Variants in DCLK3 observed in about 807,000 individuals in gnomAD.
The protein encoded by DCLK3 is serine/threonine-protein kinase DCLK3.
In DCLK3, 30 loss-of-function variants were observed where a neutral mutation model predicts 46.4. That is an observed-to-expected ratio of 0.65 (90% CI 0.48 to 0.88). The LOEUF (loss-of-function observed/expected upper bound fraction) is 0.88. Ranked by LOEUF, DCLK3 falls within the 40% of genes least tolerant of loss-of-function variation. DCLK3 has a pLI of 0.00. For synonymous variants in DCLK3, 401 were observed against 339.2 expected (o/e 1.18, Z -2.00); for missense variants, 846 against 907.1 (o/e 0.93, Z 0.87).
At chr3:36,756,087 G>A (rs1481034629) in intron 1 of DCLK3, among the ~76,000 whole-genome samples, 1 of 152,210 alleles carries the variant, frequency 6.6e-6, no homozygotes, top group African/African-American at 2.4e-5. Flanking sequence ...CAAGGATATG[G>A]GTTGATTTGG....
Position 36,748,788 on chromosome 3 carries a change from C to T in DCLK3, c.83-9704G>A, listed in dbSNP as rs371389426. On this transcript the variant is annotated intron_variant, in intron 1 of 4. Transcript: ENST00000636136. ...CTTCTGCTTTCCAGTCATTTTGTCACATTGTGCCTTTGGGCTTTTCTTTTC... is the reference window on the plus strand; with the variant it reads ...CTTCTGCTTTCCAGTCATTTTGTCATATTGTGCCTTTGGGCTTTTCTTTTC... 8.9e-4 allele frequency among the ~76,000 whole-genome samples: 135 copies of T among 152,320 alleles called. No individual in the cohort carries two copies. The South Asian group carries it at 0.027, about 30-fold the overall frequency.
At chr3:36,746,177 T>C (rs1701392032) in intron 1 of DCLK3, among the ~76,000 whole-genome samples, 2 of 152,234 alleles carry the variant, frequency 1.3e-5, no homozygotes, top group African/African-American at 4.8e-5. Context: ...TTGGCTTTTA[T>C]CTGCTGACTT....
chr3:36,717,997 C>A lies in DCLK3; in HGVS notation c.2260+13G>T. ...TCCGCTCCTCTGCTGTGTGAGGAAG[C>A]CCCAAATCTCACCATCAGAGATATT... On this transcript the variant is annotated intron_variant, in intron 4 of 4. Transcript: ENST00000636136. 6.2e-7 allele frequency: 1 copy of A among 1,613,978 alleles called. No homozygotes were observed. The highest frequency in any genetic ancestry group is 1.7e-4 in the Middle Eastern group (1 of 6,054).
intron 3 of DCLK3, among the ~76,000 whole-genome samples, chr3:36,718,404 C>T (rs1701013383): frequency 6.6e-6 from 1 of 152,206 alleles, no homozygotes; most frequent in Non-Finnish European, 1.5e-5. Context: ...TGCCACTTTG[C>T]AATGCCTTAT....
At chr3:36,745,054 C>CCTTATTAG in intron 1 of DCLK3, among the ~76,000 whole-genome samples, 1 of 152,330 alleles carries the variant, frequency 6.6e-6, no homozygotes, top group Non-Finnish European at 1.5e-5. Context: ...CAGCTCTCCA[C>CCTTATTAG]CTTATTAGGC....
intron 1 of DCLK3, among the ~76,000 whole-genome samples, chr3:36,743,799 C>T (rs148105832): frequency 4.6e-4 from 70 of 152,144 alleles, no homozygotes; most frequent in Non-Finnish European, 5.1e-4. Context: ...AACCCAAATT[C>T]CTCTGCTTGA....
rs1700928913 is a variant in DCLK3 at position 36,713,020 on chromosome 3, G to A, written c.*2308C>T. 2 of 152,198 alleles carry A rather than the reference G, an allele frequency of 1.3e-5. No individual in the cohort carries two copies. Among genetic ancestry groups the A allele is most frequent in the Non-Finnish European group, 2.9e-5 (2 of 68,038 alleles). 9.4% of individuals were successfully genotyped at this position (152,198 alleles called of 1,614,324 possible). The stretch of plus-strand genomic sequence containing the variant: ...AACTACCAAACCATTCTCCAAAGGA[G>A]AAGTCCCATTTTATACTCCCAGCAG... On this transcript the variant is annotated 3_prime_UTR_variant, in exon 5 of 5. Transcript: ENST00000636136.
chr3:36,724,148 C>T (rs889090701), intron 2 of DCLK3, among the ~76,000 whole-genome samples: 10 of 152,130 alleles, frequency 6.6e-5, no homozygotes, highest in Non-Finnish European at 8.8e-5. Context: ...TTGACTGCCC[C>T]GCTAGATTTC....
chr3:36,750,106 A>G (rs942008363), intron 1 of DCLK3, among the ~76,000 whole-genome samples: 15 of 152,164 alleles, frequency 9.9e-5, no homozygotes, highest in African/African-American at 3.4e-4. Context: ...TTTGAGACAG[A>G]GTCTTGATCT....
intron 2 of DCLK3, among the ~76,000 whole-genome samples, chr3:36,728,433 CAGA>C (rs1701151361): frequency 6.6e-6 from 1 of 152,274 alleles, no homozygotes; most frequent in Non-Finnish European, 1.5e-5. Flanking sequence ...GGACCAAGTG[CAGA>C]AGATCTGCCC....
intron 2 of DCLK3, among the ~76,000 whole-genome samples, chr3:36,727,996 ACCT>A (rs754351884): frequency 2.1e-4 from 32 of 152,306 alleles, no homozygotes; most frequent in Admixed American, 9.2e-4. Context: ...TCAAACTCAA[ACCT>A]CCACCCAAAC....
rs1297787426 is a variant in DCLK3, at chr3:36,764,547, C to T, written c.-284G>A. Among the ~76,000 whole-genome samples the T allele has an allele frequency of 6.6e-6, 1 of 152,152 alleles. No individual in the cohort carries two copies. Among genetic ancestry groups the T allele is most frequent in the Non-Finnish European group, 1.5e-5 (1 of 68,008 alleles). ...GCCGGTCCCGCCATGCGCGCCGCTC[C>T]TGGCCCTGGAGGCCGGGCGGGGCCG... On this transcript the variant is annotated 5_prime_UTR_variant, in exon 1 of 5. Transcript: ENST00000636136. The surrounding 1 kb of genome is among the most constrained non-coding windows in gnomAD (Gnocchi z 4.9).
At chr3:36,736,116 A>T (rs1379408738) in intron 2 of DCLK3, among the ~76,000 whole-genome samples, 4 of 152,228 alleles carry the variant, frequency 2.6e-5, no homozygotes, top group Non-Finnish European at 5.9e-5. Context: ...GTCATAAGGG[A>T]GAACACGTAC....
chr3:36,733,779 T>G (rs2125528189), intron 2 of DCLK3, among the ~76,000 whole-genome samples: 1 of 152,292 alleles, frequency 6.6e-6, no homozygotes, highest in East Asian at 1.9e-4. Flanking sequence ...TCAGTAGAAA[T>G]AGATAAACTC....
intron 2 of DCLK3, among the ~76,000 whole-genome samples, chr3:36,736,630 C>T (rs1701266506): frequency 1.3e-5 from 2 of 152,134 alleles, no homozygotes. Context: ...CTCTCTTTTA[C>T]AAAATGATGA....
chr3:36,750,061 C>T (rs545421312), intron 1 of DCLK3, among the ~76,000 whole-genome samples: 4 of 152,086 alleles, frequency 2.6e-5, no homozygotes, highest in South Asian at 2.1e-4. Flanking sequence ...ATTATTTTAA[C>T]GTTTAATTCT....
intron 2 of DCLK3, among the ~76,000 whole-genome samples, chr3:36,730,191 TATACAC>T (rs1413590278): frequency 0.026 from 2,819 of 108,892 alleles, 80 homozygotes; most frequent in African/African-American, 0.093. Flanking sequence ...ATACACCATA[TATACAC>T]ACACACACAC....
At chr3:36,735,841 A>C (rs1045050758) in intron 2 of DCLK3, among the ~76,000 whole-genome samples, 1 of 152,240 alleles carries the variant, frequency 6.6e-6, no homozygotes, top group African/African-American at 2.4e-5. Context: ...GCATTCATAC[A>C]ACTCACATGT....
At chr3:36,750,135 C>T (rs914093408) in intron 1 of DCLK3, among the ~76,000 whole-genome samples, 1 of 152,180 alleles carries the variant, frequency 6.6e-6, no homozygotes, top group South Asian at 2.1e-4. Flanking sequence ...GGCTGAAGTG[C>T]AGTGGCGCAA....
Sources: allele counts gnomAD v4.1 joint callset (sites outside exome capture counted in the v4.1 genomes callset), GRCh38; gene constraint gnomAD v4.1.1; non-coding constraint Gnocchi (gnomAD v3.1); transcripts MANE v1.5; gene names NCBI Gene and HGNC (gene_info 2026-07-23, HGNC 2026-07-21).